Variants in HMCN1 observed in about 807,000 individuals in gnomAD.
HMCN1 encodes the protein hemicentin-1.
A neutral mutation model predicts 625.9 loss-of-function variants in HMCN1; 321 were observed. That is an observed-to-expected ratio of 0.51 (90% CI 0.47 to 0.56). The LOEUF is 0.56. Ranked by LOEUF, HMCN1 falls within the 20% of genes least tolerant of loss-of-function variation. HMCN1 has a pLI of 0.00. For synonymous variants in HMCN1, 2,425 were observed against 2,417.6 expected (o/e 1.00, Z -0.09); for missense variants, 6,588 against 6,887.3 (o/e 0.96, Z 1.54).
At position 186,095,301 on chromosome 1, in the gene HMCN1, T is replaced by G. The variant is rs1660072043; in HGVS notation, c.10353T>G (p.Ser3451Arg). The G allele has an allele frequency of 1.2e-6, 2 of 1,613,802 alleles. No homozygotes were observed. The highest frequency in any genetic ancestry group is 1.7e-6 in the Non-Finnish European group (2 of 1,179,846). The change falls in exon 68 of 107, where the codon AGT (serine) becomes AGG (arginine). Residue 3451 changes from serine (S) to arginine (R), a missense_variant. Transcript: ENST00000271588. ...AGGAAATCACAGTTCTCAAAGGTAG[T>G]TCCACCTCTATGGCATGCATTACTG... ...GTEEITVLKG[S>R]STSMACITDG...
chr1:185,973,030 C>CACTA (rs1650938573), intron 15 of HMCN1, among the ~76,000 whole-genome samples: 1 of 152,012 alleles, frequency 6.6e-6, no homozygotes, highest in African/African-American at 2.4e-5. Flanking sequence ...CAAAACTTTC[C>CACTA]CCAGAACTTA....
chr1:186,016,224 G>A lies in HMCN1; in HGVS notation c.5176G>A (p.Glu1726Lys). Residue 1726 changes from glutamate (E) to lysine (K), a missense_variant, in exon 32 of 107, where the codon GAA becomes AAA. Physicochemically the swap from Glu to Lys is moderately conservative, Grantham distance 56 (BLOSUM62 1). Coordinates refer to ENST00000271588, the MANE Select transcript of HMCN1 (RefSeq NM_031935.3). ...SVAGEKEIKY[E>K]VDVLVPPAIE... ...GGCAGGAGAAAAGGAAATCAAATAT[G>A]AAGTTGATGTCTTGGGTAAATAAGG... The A allele has an allele frequency of 6.2e-7, 1 of 1,612,884 alleles. No homozygotes were observed. The highest frequency in any genetic ancestry group is 1.1e-5 in the South Asian group (1 of 91,026).
chr1:185,860,553 TCC>T (rs1357424255), intron 2 of HMCN1, among the ~76,000 whole-genome samples: 1 of 152,108 alleles, frequency 6.6e-6, no homozygotes, highest in Non-Finnish European at 1.5e-5. Flanking sequence ...CAAAGGATCC[TCC>T]CACCTCAGCC....
chr1:186,052,815 A>C, intron 42 of HMCN1, 137 bp from the exon 43 acceptor site: 2 of 743,634 alleles, frequency 2.7e-6, no homozygotes, highest in Non-Finnish European at 4.7e-6. Flanking sequence ...GTGACTTTTA[A>C]TTTGATGTTG....
chr1:186,106,622 C>A (rs1660624290), intron 69 of HMCN1, among the ~76,000 whole-genome samples: 1 of 152,124 alleles, frequency 6.6e-6, no homozygotes, highest in Admixed American at 6.5e-5. Context: ...CTATATATAT[C>A]TGCCTTTTTA....
In HMCN1 at chr1:186,137,579, T is replaced by C; in HGVS notation, c.13664T>C (p.Leu4555Pro). 1.9e-6 allele frequency: 3 copies of C among 1,613,950 alleles called. No homozygotes were observed. Among genetic ancestry groups the C allele is most frequent in the Non-Finnish European group, 2.5e-6 (3 of 1,179,944 alleles). The change falls in exon 88 of 107, where the codon CTG (leucine) becomes CCG (proline). Residue 4555 changes from leucine to proline, a missense_variant. Coordinates refer to ENST00000271588, the MANE Select transcript of HMCN1 (RefSeq NM_031935.3). ...AAAGGCATCCAAAAGAGGAGTCGTC[T>C]GTGCAACCAGCCCCTTCCAGCCAAT... Reference protein sequence around the residue: ...CGKGIQKRSRLCNQPLPANGG... With the variant: ...CGKGIQKRSRPCNQPLPANGG...
intron 1 of HMCN1, among the ~76,000 whole-genome samples, chr1:185,739,919 C>T: frequency 6.6e-6 from 1 of 151,844 alleles, no homozygotes; most frequent in Non-Finnish European, 1.5e-5. Flanking sequence ...TGATCAAAGA[C>T]TTGAAGGAGG....
intron 19 of HMCN1, among the ~76,000 whole-genome samples, chr1:185,985,661 T>TA (rs1330786852): frequency 6.6e-6 from 1 of 152,154 alleles, no homozygotes; most frequent in Non-Finnish European, 1.5e-5. Flanking sequence ...TCAATGGAGT[T>TA]AAAAAATTAG....
At chr1:186,171,895 T>C in intron 101 of HMCN1, 111 bp from the exon 102 acceptor site, 1 of 893,700 alleles carries the variant, frequency 1.1e-6, no homozygotes, top group Non-Finnish European at 1.8e-6. Flanking sequence ...ACAATGATTA[T>C]GCAATGAATG....
Position 185,993,302 on chromosome 1 carries a change from T to C in HMCN1, c.3498T>C (p.Asn1166=), listed in dbSNP as rs2102037213. 1.2e-6 allele frequency: 2 copies of C among 1,612,822 alleles called. No individual in the cohort carries two copies. The highest frequency in any genetic ancestry group is 1.3e-5 in the African/African-American group (1 of 75,020). The change falls in exon 23 of 107, where the codon AAT becomes AAC. Residue 1166 remains asparagine, a synonymous_variant. Coordinates refer to ENST00000271588, the MANE Select transcript of HMCN1 (RefSeq NM_031935.3). ...AGNVTQAVKL[N]VHVPPKIQRG... is the part of the protein sequence containing the mutation. The stretch of plus-strand genomic sequence containing the variant: ...ATGTGACTCAGGCTGTCAAATTAAA[T>C]GTCCATGGTGAGTCTTGAAATGAGA...
chr1:186,087,125 G>A (rs1452548380), intron 58 of HMCN1, 92 bp from the exon 59 acceptor site: 1 of 804,502 alleles, frequency 1.2e-6, no homozygotes, highest in Non-Finnish European at 2.2e-6. Context: ...ACTCTAAGGG[G>A]AAGGATATAT....
At chr1:185,791,485 C>T (rs375525405) in intron 1 of HMCN1, among the ~76,000 whole-genome samples, 2 of 151,714 alleles carry the variant, frequency 1.3e-5, no homozygotes, top group Non-Finnish European at 2.9e-5. Flanking sequence ...TTTGGGAGGA[C>T]GAGGCGGGTG....
At chr1:186,122,800 A>G in intron 80 of HMCN1, 151 bp from the exon 81 acceptor site, 1 of 816,548 alleles carries the variant, frequency 1.2e-6, no homozygotes, top group Non-Finnish European at 1.9e-6. Flanking sequence ...TTTTGTTCCC[A>G]TGAAAAAATG....
chr1:186,141,740 C>T (rs189324906), intron 89 of HMCN1, among the ~76,000 whole-genome samples: 5 of 152,270 alleles, frequency 3.3e-5, no homozygotes, highest in Admixed American at 2.6e-4. Flanking sequence ...TACTGCTCAC[C>T]TCAACTCTAA....
intron 1 of HMCN1, among the ~76,000 whole-genome samples, chr1:185,777,792 A>G (rs1434497392): frequency 2.6e-5 from 4 of 152,146 alleles, no homozygotes; most frequent in Non-Finnish European, 5.9e-5. Flanking sequence ...AGGCAGCTCT[A>G]TTATCCTCCA....
At chr1:186,147,405 T>C (rs1238477065) in intron 93 of HMCN1, among the ~76,000 whole-genome samples, 1 of 150,886 alleles carries the variant, frequency 6.6e-6, no homozygotes, top group East Asian at 1.9e-4. Flanking sequence ...TTTTTTTTTT[T>C]TCTCACCATT....
chr1:186,076,396 T>G, intron 53 of HMCN1, 32 bp from the exon 54 acceptor site: 4 of 1,589,522 alleles, frequency 2.5e-6, no homozygotes, highest in Non-Finnish European at 3.5e-6. Flanking sequence ...AGCATTTATA[T>G]GTGACCAACA....
chr1:185,779,274 A>C (rs1163847453), intron 1 of HMCN1, among the ~76,000 whole-genome samples: 1 of 152,000 alleles, frequency 6.6e-6, no homozygotes, highest in Non-Finnish European at 1.5e-5. Flanking sequence ...AGATTGCAAA[A>C]ATTTTCTCCC....
At chr1:185,947,062 G>T (rs1668384989) in intron 11 of HMCN1, among the ~76,000 whole-genome samples, 1 of 152,112 alleles carries the variant, frequency 6.6e-6, no homozygotes, top group Non-Finnish European at 1.5e-5. Flanking sequence ...TTTGTTGGCA[G>T]GGGTTGTGGG....
Sources: allele counts gnomAD v4.1 joint callset (sites outside exome capture counted in the v4.1 genomes callset), GRCh38; gene constraint gnomAD v4.1.1; transcripts MANE v1.5; gene names NCBI Gene and HGNC (gene_info 2026-07-23, HGNC 2026-07-21).